The following SUMO2 variants were observed in gnomAD, a reference collection of about 807,000 sequenced individuals.
SUMO2 encodes small ubiquitin-related modifier 2.
In SUMO2, 1 loss-of-function variant was observed where a neutral mutation model predicts 16.0. The observed-to-expected ratio is 0.06, with a 90% CI of 0.02 to 0.30. SUMO2 has a LOEUF of 0.30. Ranked by LOEUF, SUMO2 falls within the 10% of genes least tolerant of loss-of-function variation. The pLI, the probability that SUMO2 is intolerant of heterozygous loss-of-function variation, is 1.00. For synonymous variants in SUMO2, 36 were observed against 40.6 expected (o/e 0.89, Z 0.43); for missense variants, 16 against 117.5 (o/e 0.14, Z 3.99).
At chr17:75,180,914 G>A (rs2074824171) in intron 2 of SUMO2, 143 bp downstream of exon 2, 3 of 869,712 alleles carry the variant, frequency 3.4e-6, no homozygotes, top group African/African-American at 1.7e-5. Context: ...AATATACCAA[G>A]TGCACGACAA....
intron 2 of SUMO2, among the ~76,000 whole-genome samples, chr17:75,178,713 T>C (rs1481352195): frequency 6.6e-6 from 1 of 151,692 alleles, no homozygotes; most frequent in Non-Finnish European, 1.5e-5. Flanking sequence ...GGACTACAGG[T>C]ATGTGCCACC....
Position 75,173,243 on chromosome 17 carries a change from G to A in SUMO2, c.225+1509C>T, listed in dbSNP as rs138120630. 1.2e-4 allele frequency among the ~76,000 whole-genome samples: 18 copies of A among 151,936 alleles called. No individual in the cohort carries two copies. In the South Asian group the frequency reaches 1.5e-3, roughly 12 times the overall value. ...CAGTAGTATGATCATAACTCACTGCGGCCTGAAACTCCTGGACTCAAGCAC... is the reference window on the plus strand; with the variant it reads ...CAGTAGTATGATCATAACTCACTGCAGCCTGAAACTCCTGGACTCAAGCAC... On this transcript the variant is annotated intron_variant, in intron 3 of 3. Transcript: ENST00000420826.
chr17:75,171,069 T>TA (rs1555654517), intron 3 of SUMO2, among the ~76,000 whole-genome samples: 118 of 141,542 alleles, frequency 8.3e-4, no homozygotes, highest in African/African-American at 1.5e-3. Context: ...AAGGGGCAGT[T>TA]AAAAAAAAAA....
intron 3 of SUMO2, 118 bp downstream of exon 3, chr17:75,174,634 C>A (rs1484044742): frequency 1.2e-6 from 1 of 852,010 alleles, no homozygotes; most frequent in African/African-American, 1.7e-5. Context: ...GTCATACTTC[C>A]CAAAGCTCTG....
At chr17:75,175,897 C>T (rs754734350) in intron 2 of SUMO2, among the ~76,000 whole-genome samples, 6 of 152,062 alleles carry the variant, frequency 3.9e-5, no homozygotes, top group South Asian at 4.1e-4. Context: ...CCTCACAAAA[C>T]GCTGGGATTA....
rs946033518 is a variant in SUMO2, at chr17:75,168,372, A to G, written c.255T>C (p.Asp85=). Reference sequence around the variant, plus strand: ...CACCTCCCGTCTGCTGTTGGAACACATCAATTGTATCTTCATCCTCCATTT... The same window carrying G: ...CACCTCCCGTCTGCTGTTGGAACACGTCAATTGTATCTTCATCCTCCATTT... ...QLEMEDEDTI[D]VFQQQTGGVY is the part of the protein sequence containing the mutation. The change falls in exon 4 of 4, where the codon GAT becomes GAC. Residue 85 remains aspartate, a synonymous_variant. Transcript: ENST00000420826. The G allele has an allele frequency of 6.2e-7, 1 of 1,608,416 alleles. No homozygotes were observed. The highest frequency in any genetic ancestry group is 1.3e-5 in the African/African-American group (1 of 74,942).
chr17:75,181,001 A>G, intron 2 of SUMO2, 56 bp downstream of exon 2: 1 of 1,602,178 alleles, frequency 6.2e-7, no homozygotes, highest in Non-Finnish European at 8.5e-7. Context: ...TTCCCATGAA[A>G]ATAAGATTTT....
Position 75,168,093 on chromosome 17 carries a change from A to T in SUMO2, c.*246T>A, listed in dbSNP as rs1380089772. 3 of 351,524 alleles carry T rather than the reference A, an allele frequency of 8.5e-6. No homozygotes were observed. The highest frequency in any genetic ancestry group is 1.5e-5 in the Non-Finnish European group (3 of 196,464). The allele number at this position is 351,524 out of a possible 1,614,324, so 21.8% of individuals were successfully genotyped here. ...CAGTATTTTTCCCCATCCCGTCTCC[A>T]CTTGATGTCAATCAAAACATACCAT... On this transcript the variant is annotated 3_prime_UTR_variant, in exon 4 of 4. Transcript: ENST00000420826.
In SUMO2 at chr17:75,168,129, G is replaced by GC. The variant is rs1555654175; in HGVS notation, c.*209_*210insG. On this transcript the variant is annotated 3_prime_UTR_variant, in exon 4 of 4. Coordinates refer to ENST00000420826, the MANE Select transcript of SUMO2 (RefSeq NM_006937.4). ...ATCAAAACATACCATTGGCTGTTTA[G>GC]TTAAAAAAAAAAAAAATGCAATATG... 2 of 373,104 alleles carry GC rather than the reference G, an allele frequency of 5.4e-6. No individual in the cohort carries two copies. The highest frequency in any genetic ancestry group is 9.4e-5 in the East Asian group (2 of 21,294). The allele number at this position is 373,104 out of a possible 1,614,324, so 23.1% of individuals were successfully genotyped here. A position where few individuals can be genotyped will look rare whatever the true frequency, so the allele number is the denominator to read the frequency against.
chr17:75,182,800 G>T lies in SUMO2; in HGVS notation c.21+14C>A, dbSNP rs781216652. 2 of 1,379,142 alleles carry T rather than the reference G, an allele frequency of 1.5e-6. No individual in the cohort carries two copies. The highest frequency in any genetic ancestry group is 3.6e-5 in the South Asian group (2 of 55,564). 85.4% of individuals were successfully genotyped at this position (1,379,142 alleles called of 1,614,324 possible). On this transcript the variant is annotated intron_variant, in intron 1 of 3. Coordinates refer to ENST00000420826, the MANE Select transcript of SUMO2 (RefSeq NM_006937.4). ...CACCGCGCGGCGAGGCGAAGGGGCC[G>T]GCGGCGAGCTCACCTTGGGCTTTTC... is the stretch of plus-strand genomic sequence containing the variant.
intron 1 of SUMO2, among the ~76,000 whole-genome samples, chr17:75,181,612 A>G (rs1200150208): frequency 6.6e-6 from 1 of 152,160 alleles, no homozygotes; most frequent in East Asian, 1.9e-4. Context: ...ACAGCCTGCC[A>G]TTCAAAACTC....
intron 2 of SUMO2, among the ~76,000 whole-genome samples, chr17:75,176,281 G>A (rs997972099): frequency 2.6e-5 from 4 of 151,938 alleles, no homozygotes; most frequent in Non-Finnish European, 4.4e-5. Context: ...CTCGTGATCC[G>A]CCTGGCTGGC....
At chr17:75,173,542 T>C (rs2074758631) in intron 3 of SUMO2, among the ~76,000 whole-genome samples, 2 of 151,422 alleles carry the variant, frequency 1.3e-5, no homozygotes, top group South Asian at 4.2e-4. Context: ...TGGTACCATC[T>C]TGGGTGACGG....
chr17:75,177,938 G>A (rs1431152372), intron 2 of SUMO2, among the ~76,000 whole-genome samples: 14 of 129,992 alleles, frequency 1.1e-4, no homozygotes, highest in Non-Finnish European at 2.0e-4. Flanking sequence ...GCAGTGAGCC[G>A]AGATTATGTC....
rs868371938 is a variant in SUMO2 at position 75,182,950 on chromosome 17, G to C, written c.-116C>G. On this transcript the variant is annotated 5_prime_UTR_variant, in exon 1 of 4. Coordinates refer to ENST00000420826, the MANE Select transcript of SUMO2 (RefSeq NM_006937.4). ...GAAGAAGGAGGCGGCAGCGGTGGAC[G>C]AGGGGAGAGGGTGCGCGCACGTCGT... 20 of 886,704 alleles carry C rather than the reference G, an allele frequency of 2.3e-5. No homozygotes were observed. The East Asian group carries it at 2.7e-4, about 12-fold the overall frequency. The allele number at this position is 886,704 out of a possible 1,614,324, so 54.9% of individuals were successfully genotyped here. A position where few individuals can be genotyped will look rare whatever the true frequency, so the allele number is the denominator to read the frequency against.
intron 3 of SUMO2, among the ~76,000 whole-genome samples, chr17:75,169,605 G>T (rs1182738070): frequency 6.6e-6 from 1 of 151,832 alleles, no homozygotes; most frequent in Non-Finnish European, 1.5e-5. Context: ...GGACAGTCTA[G>T]ATCTCCTGAC....
intron 2 of SUMO2, 81 bp downstream of exon 2, chr17:75,180,976 C>T (rs946396719): frequency 2.7e-5 from 42 of 1,539,576 alleles, no homozygotes; most frequent in Non-Finnish European, 3.5e-5. Context: ...CTGTAATGTG[C>T]TAGTCTAGTT....
chr17:75,180,333 A>ACACAATTT (rs2074816844), intron 2 of SUMO2, among the ~76,000 whole-genome samples: 1 of 148,080 alleles, frequency 6.8e-6, no homozygotes, highest in African/African-American at 2.5e-5. Flanking sequence ...CAAAAATAAA[A>ACACAATTT]CACAATTTAC....
At chr17:75,179,776 AGCCTCC>A (rs2074812589) in intron 2 of SUMO2, among the ~76,000 whole-genome samples, 1 of 151,480 alleles carries the variant, frequency 6.6e-6, no homozygotes, top group African/African-American at 2.4e-5. Context: ...TCTCAGCCTC[AGCCTCC>A]GGAGTAGGTG....
Sources: allele counts gnomAD v4.1 joint callset (sites outside exome capture counted in the v4.1 genomes callset), GRCh38; gene constraint gnomAD v4.1.1; transcripts MANE v1.5; gene names NCBI Gene and HGNC (gene_info 2026-07-23, HGNC 2026-07-21).